The following GRK5 variants were observed in gnomAD, a reference collection of about 807,000 sequenced individuals.
The protein encoded by GRK5 is G protein-coupled receptor kinase 5, also known as g protein-coupled receptor kinase GRK5.
In GRK5, 40 loss-of-function variants were observed where a neutral mutation model predicts 78.4. That is an observed-to-expected ratio of 0.51 (90% CI 0.40 to 0.66). GRK5 has a LOEUF of 0.66. GRK5 is among the 30% of genes least tolerant of loss of function. GRK5 has a pLI of 0.00. For missense variants in GRK5, 598 were observed against 759.9 expected, an observed-to-expected ratio of 0.79 and a Z score of 2.50; for synonymous variants, 289 against 296.8, an observed-to-expected ratio of 0.97 and a Z score of 0.27.
At chr10:119,386,331 G>A (rs74375782) in intron 3 of GRK5, among the ~76,000 whole-genome samples, 5,842 of 152,304 alleles carry the variant, frequency 0.038, 286 homozygotes, top group African/African-American at 0.11. Context: ...AAAAGAGGAG[G>A]CAGCAGCAGC....
chr10:119,434,940 T>G (rs1852890355), intron 8 of GRK5, among the ~76,000 whole-genome samples: 2 of 152,234 alleles, frequency 1.3e-5, no homozygotes, highest in Admixed American at 1.3e-4. Context: ...AGGCGGAGGT[T>G]CCCAAACCTC....
intron 1 of GRK5, among the ~76,000 whole-genome samples, chr10:119,282,818 C>T (rs1849783118): frequency 6.6e-6 from 1 of 152,234 alleles, no homozygotes; most frequent in African/African-American, 2.4e-5. Flanking sequence ...AGCGCTTTCT[C>T]CTGCCCAACA....
Position 119,458,568 on chromosome 10 carries a change from C to T in GRK5, c.*3501C>T, listed in dbSNP as rs903303213. The T allele has an allele frequency of 6.6e-6, 1 of 152,254 alleles. No individual in the cohort carries two copies. Among genetic ancestry groups the T allele is most frequent in the African/African-American group, 2.4e-5 (1 of 41,446 alleles). 9.4% of individuals were successfully genotyped at this position (152,254 alleles called of 1,614,324 possible). A position where few individuals can be genotyped will look rare whatever the true frequency, so the allele number is the denominator to read the frequency against. ...ACAGACACAGCTGTGAGGCCTGGGTCATACACATACCAGCAAGCAGCTGCC... is the reference window on the plus strand; with the variant it reads ...ACAGACACAGCTGTGAGGCCTGGGTTATACACATACCAGCAAGCAGCTGCC... On this transcript the variant is annotated 3_prime_UTR_variant, in exon 16 of 16. Coordinates refer to ENST00000392870, the MANE Select transcript of GRK5 (RefSeq NM_005308.3).
chr10:119,406,409 A>C (rs766774469), intron 4 of GRK5: 1 of 979,300 alleles, frequency 1.0e-6, no homozygotes, highest in Middle Eastern at 5.2e-4. Flanking sequence ...CTGATCATCC[A>C]ACCAATTCAT....
At chr10:119,407,777 A>C (rs541835359) in intron 4 of GRK5, among the ~76,000 whole-genome samples, 1 of 152,208 alleles carries the variant, frequency 6.6e-6, no homozygotes, top group East Asian at 1.9e-4. Context: ...TAATCTCAAC[A>C]CTTTGGGAGG....
chr10:119,308,439 G>C lies in GRK5; in HGVS notation c.53-18077G>C, dbSNP rs541536860. On this transcript the variant is annotated intron_variant, in intron 1 of 15. Coordinates refer to ENST00000392870, the MANE Select transcript of GRK5 (RefSeq NM_005308.3). Reference sequence around the variant, plus strand: ...TACAGTCATCTGTAGGGTCATCTGTGACGTATGGGCCAGGCGTGTGCCCCC... The same window carrying C: ...TACAGTCATCTGTAGGGTCATCTGTCACGTATGGGCCAGGCGTGTGCCCCC... 5.3e-5 allele frequency among the ~76,000 whole-genome samples: 8 copies of C among 152,342 alleles called. No individual in the cohort carries two copies. In the South Asian group the frequency reaches 1.7e-3, roughly 32 times the overall value.
rs1367717389 is a variant in GRK5, at chr10:119,207,972, A to G, written c.52+3A>G. The G allele has an allele frequency of 6.2e-7, 1 of 1,603,890 alleles. No homozygotes were observed. The highest frequency in any genetic ancestry group is 1.4e-5 in the African/African-American group (1 of 73,362). ...GGTCTTGCTGAAAGCCAGGGAAGGT[A>G]AGAGGCAGGGCCGGTACGTGCCCGG... On this transcript the variant is annotated splice_donor_region_variant and intron_variant, in intron 1 of 15. Coordinates refer to ENST00000392870, the MANE Select transcript of GRK5 (RefSeq NM_005308.3).
intron 2 of GRK5, among the ~76,000 whole-genome samples, chr10:119,351,478 C>T (rs1851184135): frequency 6.6e-6 from 1 of 152,140 alleles, no homozygotes; most frequent in Non-Finnish European, 1.5e-5. Context: ...TTTCACTTGG[C>T]TCTCATTCTC....
intron 2 of GRK5, among the ~76,000 whole-genome samples, chr10:119,367,877 A>G (rs909470292): frequency 6.6e-6 from 1 of 152,214 alleles, no homozygotes; most frequent in Non-Finnish European, 1.5e-5. Flanking sequence ...CTTCCGAGGC[A>G]TTCATTTCTC....
chr10:119,212,078 AT>A (rs1352348557), intron 1 of GRK5, among the ~76,000 whole-genome samples: 2 of 152,066 alleles, frequency 1.3e-5, no homozygotes, highest in Non-Finnish European at 2.9e-5. Flanking sequence ...GACAGCTTTC[AT>A]CCTGGTTAAG....
At chr10:119,209,139 C>T (rs117454191) in intron 1 of GRK5, among the ~76,000 whole-genome samples, 1,819 of 152,126 alleles carry the variant, frequency 0.012, 35 homozygotes, top group Admixed American at 0.05. Flanking sequence ...AATTTCTGGC[C>T]AGCAATAAAA....
At chr10:119,408,032 G>A (rs1327731095) in intron 4 of GRK5, among the ~76,000 whole-genome samples, 1 of 151,914 alleles carries the variant, frequency 6.6e-6, no homozygotes, top group African/African-American at 2.4e-5. Context: ...GCGTGGTGGT[G>A]GATGCCTGTA....
chr10:119,377,335 T>G (rs1277180982), intron 2 of GRK5, among the ~76,000 whole-genome samples: 1 of 152,248 alleles, frequency 6.6e-6, no homozygotes, highest in African/African-American at 2.4e-5. Context: ...TCAAGAACTT[T>G]GATTTGCGCC....
intron 1 of GRK5, among the ~76,000 whole-genome samples, chr10:119,231,183 A>G (rs1252154595): frequency 6.6e-6 from 1 of 152,192 alleles, no homozygotes; most frequent in Admixed American, 6.5e-5. Context: ...CTGACAAGGG[A>G]TTGATACCCA....
intron 3 of GRK5, among the ~76,000 whole-genome samples, chr10:119,389,735 TGGGA>T (rs1851856255): frequency 6.6e-6 from 1 of 152,038 alleles, no homozygotes; most frequent in Non-Finnish European, 1.5e-5. Flanking sequence ...ATAAAAACCC[TGGGA>T]ACTGTGGACT....
intron 3 of GRK5, among the ~76,000 whole-genome samples, chr10:119,386,866 G>A (rs1253099566): frequency 6.6e-6 from 1 of 152,184 alleles, no homozygotes; most frequent in Non-Finnish European, 1.5e-5. Flanking sequence ...AGCGCCCCGG[G>A]TGCTGCCTGA....
chr10:119,304,418 A>G (rs2133726654), intron 1 of GRK5, among the ~76,000 whole-genome samples: 1 of 150,372 alleles, frequency 6.7e-6, no homozygotes, highest in East Asian at 2.0e-4. Context: ...CAGCCTCCTG[A>G]GTAGCTGGGA....
chr10:119,403,160 T>A (rs1419152276), intron 4 of GRK5, among the ~76,000 whole-genome samples: 1 of 152,170 alleles, frequency 6.6e-6, no homozygotes, highest in Non-Finnish European at 1.5e-5. Context: ...TATGTGGCCA[T>A]CTGTGACTGG....
Position 119,455,887 on chromosome 10 carries a change from A to C in GRK5, c.*820A>C, listed in dbSNP as rs1424794254. On this transcript the variant is annotated 3_prime_UTR_variant, in exon 16 of 16. Transcript: ENST00000392870. ...AGGAAGGCGGCTGGCACGCGGATCT[A>C]GGTGTTTGCAGCCTGGTGGGCGATG... is the stretch of plus-strand genomic sequence containing the variant. The C allele has an allele frequency of 7.1e-5, 11 of 154,434 alleles. No homozygotes were observed. 9.6% of individuals were successfully genotyped at this position (154,434 alleles called of 1,614,324 possible). A position where few individuals can be genotyped will look rare whatever the true frequency, so the allele number is the denominator to read the frequency against.
Sources: gnomAD v4.1 joint callset for allele counts (sites outside exome capture counted in the v4.1 genomes callset) on GRCh38, gnomAD v4.1.1 for gene constraint, MANE v1.5 for transcripts, NCBI Gene and HGNC (gene_info 2026-07-23, HGNC 2026-07-21) for gene names.